TRMT9B: variants seen among roughly 807,000 people sequenced by gnomAD.
TRMT9B encodes the protein probable tRNA methyltransferase 9B.
Under a neutral mutation model 11.5 loss-of-function variants are expected in TRMT9B, and 16 were observed. That is an observed-to-expected ratio of 1.39 (90% CI 0.94 to 2.11). TRMT9B has a LOEUF of 2.11. Ranked by LOEUF, TRMT9B falls within the 30% of genes most tolerant of loss-of-function variation. The probability of loss-of-function intolerance (pLI) is 0.00; values close to 1 mark genes in which losing one functional copy is unlikely to be tolerated. For synonymous variants in TRMT9B, 274 were observed against 192.4 expected (o/e 1.42, Z -3.51); for missense variants, 941 against 553.8 (o/e 1.70, Z -7.02).
At chr8:13,011,032 T>C (rs1811511530) in intron 3 of TRMT9B, 2 of 667,264 alleles carry the variant, frequency 3.0e-6, no homozygotes, top group Middle Eastern at 7.6e-4. Context: ...TCACCTAGGC[T>C]GGAGTGAGGT....
At chr8:12,952,080 A>T in intron 1 of TRMT9B, 1 of 383,936 alleles carries the variant, frequency 2.6e-6, no homozygotes, top group Non-Finnish European at 5.3e-6. Context: ...GGTGGAAGTT[A>T]CACCTGGTGC....
chr8:12,972,244 C>T (rs1183341827), intron 1 of TRMT9B, among the ~76,000 whole-genome samples: 1 of 152,132 alleles, frequency 6.6e-6, no homozygotes, highest in Non-Finnish European at 1.5e-5. Context: ...CTTCTCAGAA[C>T]CTAGAAGCTT....
At chr8:13,014,936 T>G (rs951428374) in intron 4 of TRMT9B, among the ~76,000 whole-genome samples, 11 of 151,926 alleles carry the variant, frequency 7.2e-5, no homozygotes, top group Non-Finnish European at 1.5e-4. Context: ...TGGTGAGCAC[T>G]TGTAATCCCA....
chr8:12,951,386 TG>T (rs1800591890), intron 1 of TRMT9B: 1 of 152,312 alleles, frequency 6.6e-6, no homozygotes, highest in Non-Finnish European at 1.5e-5. Flanking sequence ...CCCAAGGTAC[TG>T]CGCTGATGCG....
intron 4 of TRMT9B, among the ~76,000 whole-genome samples, chr8:13,013,440 A>G (rs1425895638): frequency 6.6e-6 from 1 of 152,178 alleles, no homozygotes; most frequent in Non-Finnish European, 1.5e-5. Flanking sequence ...ATATCCTCCC[A>G]ACAAGTGTGA....
rs78379070 is a variant in TRMT9B at position 12,980,857 on chromosome 8, A to C, written c.-199-9977A>C. Among the ~76,000 whole-genome samples the C allele has an allele frequency of 0.013, 1,922 of 152,314 alleles. 104 individuals carry two copies. In the East Asian group the frequency reaches 0.16, roughly 12 times the overall value. ...AGCATTCAGGGAATTTCAAGCCCGGATGGAAGAGCAGTGGCACTAGATAAG... is the reference window on the plus strand; with the variant it reads ...AGCATTCAGGGAATTTCAAGCCCGGCTGGAAGAGCAGTGGCACTAGATAAG... On this transcript the variant is annotated intron_variant, in intron 1 of 4. Coordinates refer to ENST00000524591, the MANE Select transcript of TRMT9B (RefSeq NM_020844.3).
At chr8:13,004,595 G>A (rs547059018) in intron 2 of TRMT9B, among the ~76,000 whole-genome samples, 30 of 152,160 alleles carry the variant, frequency 2.0e-4, no homozygotes, top group Non-Finnish European at 4.1e-4. Context: ...TTGAAGGGAA[G>A]GACCTAGTCC....
In TRMT9B at chr8:12,991,149, T is replaced by C. The variant is rs1252718008; in HGVS notation, c.-2+118T>C. 2.8e-5 allele frequency: 10 copies of C among 361,864 alleles called. No homozygotes were observed. The East Asian group carries it at 8.7e-4, about 32-fold the overall frequency. The allele number at this position is 361,864 out of a possible 1,614,324, so 22.4% of individuals were successfully genotyped here. On this transcript the variant is annotated intron_variant, in intron 2 of 4. Transcript: ENST00000524591. Reference sequence around the variant, plus strand: ...TAATTTTAAATTTATGACAATGTGATATAAAGTAAGTTGGAATTTATTTTT... The same window carrying C: ...TAATTTTAAATTTATGACAATGTGACATAAAGTAAGTTGGAATTTATTTTT...
At chr8:12,997,829 T>C (rs372139900) in intron 2 of TRMT9B, among the ~76,000 whole-genome samples, 117 of 152,184 alleles carry the variant, frequency 7.7e-4, no homozygotes, top group African/African-American at 2.6e-3. Flanking sequence ...TGTCAGGCGG[T>C]TTTCCAAACA....
At position 13,012,651 on chromosome 8, in the gene TRMT9B, G is replaced by A. The variant is rs2460338; in HGVS notation, c.155-33G>A. On this transcript the variant is annotated intron_variant, in intron 3 of 4. Coordinates refer to ENST00000524591, the MANE Select transcript of TRMT9B (RefSeq NM_020844.3). Reference sequence around the variant, plus strand: ...TGAAGTATTTCACATTTTCCATTGAGGATAGCATGTAACGCAGGTTTTTCT... The same window carrying A: ...TGAAGTATTTCACATTTTCCATTGAAGATAGCATGTAACGCAGGTTTTTCT... 5.6e-4 allele frequency: 881 copies of A among 1,577,058 alleles called. 4 individuals carry two copies. The African/African-American group carries it at 0.01, about 18-fold the overall frequency.
Position 12,949,015 on chromosome 8 carries a change from T to G in TRMT9B, c.-200+3049T>G, listed in dbSNP as rs1174771096. 2.6e-5 allele frequency among the ~76,000 whole-genome samples: 4 copies of G among 152,200 alleles called. No individual in the cohort carries two copies. The South Asian group carries it at 6.2e-4, about 24-fold the overall frequency. On this transcript the variant is annotated intron_variant, in intron 1 of 4. Coordinates refer to ENST00000524591, the MANE Select transcript of TRMT9B (RefSeq NM_020844.3). ...ACGTGTTCAACGTTTCATAGTTGTC[T>G]AATTTCTGTTGAGACTATGGCCAAC...
Position 13,028,562 on chromosome 8 carries a change from C to CTCTTTTCTTTTT in TRMT9B, c.*6529_*6530insTTCTTTTCTTTT, listed in dbSNP as rs71207113. ...ATTTGGCTAAGTGATAAGCACTTTTCTCTTTTCTTTTCTTTTTTTTTTTTT... is the reference window on the plus strand; with the variant it reads ...ATTTGGCTAAGTGATAAGCACTTTTCTCTTTTCTTTTTTCTTTTCTTTTCTTTTTTTTTTTTT... On this transcript the variant is annotated 3_prime_UTR_variant, in exon 5 of 5. Coordinates refer to ENST00000524591, the MANE Select transcript of TRMT9B (RefSeq NM_020844.3). The CTCTTTTCTTTTT allele has an allele frequency of 0.38, 45,282 of 120,416 alleles. 12,280 individuals carry two copies. Among genetic ancestry groups the CTCTTTTCTTTTT allele is most frequent in the Middle Eastern group, 0.51 (108 of 210 alleles). The allele number at this position is 120,416 out of a possible 1,614,324, so 7.5% of individuals were successfully genotyped here.
At chr8:13,012,093 C>A in intron 3 of TRMT9B, 2 of 985,402 alleles carry the variant, frequency 2.0e-6, no homozygotes, top group Non-Finnish European at 2.4e-6. Context: ...GACCAGCTAA[C>A]GTGCCTTGGT....
Position 13,025,697 on chromosome 8 carries a change from G to A in TRMT9B, c.*3653G>A, listed in dbSNP as rs1814610427. 1 of 167,042 alleles carries A rather than the reference G, an allele frequency of 6.0e-6. No homozygotes were observed. Among genetic ancestry groups the A allele is most frequent in the South Asian group, 2.1e-4 (1 of 4,828 alleles). 10.3% of individuals were successfully genotyped at this position (167,042 alleles called of 1,614,324 possible). On this transcript the variant is annotated 3_prime_UTR_variant, in exon 5 of 5. Transcript: ENST00000524591. The stretch of plus-strand genomic sequence containing the variant: ...AATTTTTTCCAATTGCCAGTATAGT[G>A]ATGATATGACACCAGCATATCAAAG...
At chr8:13,002,712 C>T (rs1193856515) in intron 2 of TRMT9B, among the ~76,000 whole-genome samples, 1 of 152,096 alleles carries the variant, frequency 6.6e-6, no homozygotes, top group Non-Finnish European at 1.5e-5. Context: ...ATAATTGGGG[C>T]AAGAATCATT....
chr8:13,022,035 T>C lies in TRMT9B; in HGVS notation c.1356T>C (p.Gly452=), dbSNP rs757240409. Reference sequence around the variant, plus strand: ...GTATCATTGCAGAGAAAAAGAGAGGTTGTGATTGATTGGATCCTTTTAGAC... The same window carrying C: ...GTATCATTGCAGAGAAAAAGAGAGGCTGTGATTGATTGGATCCTTTTAGAC... The part of the protein sequence containing the change: ...NWCIIAEKKR[G]CD Residue 452 remains glycine, a synonymous_variant, in exon 5 of 5, where the codon GGT becomes GGC. Transcript: ENST00000524591. 3 of 1,572,394 alleles carry C rather than the reference T, an allele frequency of 1.9e-6. No individual in the cohort carries two copies. The African/African-American group carries it at 4.1e-5, about 21-fold the overall frequency.
intron 1 of TRMT9B, among the ~76,000 whole-genome samples, chr8:12,969,777 T>G (rs1436188904): frequency 6.6e-6 from 1 of 151,584 alleles, no homozygotes; most frequent in Non-Finnish European, 1.5e-5. Flanking sequence ...GCTCCAGGAA[T>G]CCTCCCACCT....
chr8:12,990,535 C>A (rs965974333), intron 1 of TRMT9B, among the ~76,000 whole-genome samples: 9 of 152,066 alleles, frequency 5.9e-5, no homozygotes, highest in African/African-American at 1.9e-4. Flanking sequence ...TTTAATTAAG[C>A]CCCTGGAATC....
Position 12,950,799 on chromosome 8 carries a change from T to G in TRMT9B, c.-200+4833T>G, listed in dbSNP as rs142796831. Among the ~76,000 whole-genome samples, 118 of 152,272 alleles carry G rather than the reference T, an allele frequency of 7.7e-4. 2 individuals carry two copies. Among genetic ancestry groups the G allele is most frequent in the African/African-American group, 2.6e-3 (109 of 41,536 alleles). ...TGTAGTTGTGTCCTCACAAATAACC[T>G]GTTATAGACCAGCGTCTATGTGAGA... On this transcript the variant is annotated intron_variant, in intron 1 of 4. Transcript: ENST00000524591.
Sources: allele counts gnomAD v4.1 joint callset (sites outside exome capture counted in the v4.1 genomes callset), GRCh38; gene constraint gnomAD v4.1.1; transcripts MANE v1.5; gene names NCBI Gene and HGNC (gene_info 2026-07-23, HGNC 2026-07-21).